Variants in ATMIN observed in about 807,000 individuals in gnomAD.
ATMIN encodes ATM INteracting protein.
A neutral mutation model predicts 49.2 loss-of-function variants in ATMIN; 24 were observed. That is an observed-to-expected ratio of 0.49 (90% CI 0.35 to 0.69). The LOEUF (loss-of-function observed/expected upper bound fraction) is 0.69, where lower values mean the gene tolerates loss of function less well. Ranked by LOEUF, ATMIN falls within the 30% of genes least tolerant of loss-of-function variation. The pLI is 0.00. For synonymous variants in ATMIN, 450 were observed against 392.5 expected, an observed-to-expected ratio of 1.15 and a Z score of -1.73; for missense variants, 1,037 against 1,005.5, an observed-to-expected ratio of 1.03 and a Z score of -0.42.
intron 1 of ATMIN, among the ~76,000 whole-genome samples, chr16:81,039,455 C>G (rs1353285764): frequency 6.6e-6 from 1 of 152,058 alleles, no homozygotes; most frequent in African/African-American, 2.4e-5. Context: ...TGATGAGCAA[C>G]GAGGATGGGT....
intron 1 of ATMIN, among the ~76,000 whole-genome samples, chr16:81,038,935 A>G (rs1158935773): frequency 6.6e-6 from 1 of 152,156 alleles, no homozygotes; most frequent in Non-Finnish European, 1.5e-5. Flanking sequence ...AGTTGGGACT[A>G]CAGGCATGCT....
chr16:81,038,597 G>C (rs934985290), intron 1 of ATMIN, among the ~76,000 whole-genome samples: 2 of 152,204 alleles, frequency 1.3e-5, no homozygotes, highest in African/African-American at 2.4e-5. Flanking sequence ...TTGTCTGTGT[G>C]ATGCAATAGC....
In ATMIN at chr16:81,044,846, A is replaced by G. The variant is rs1383293949; in HGVS notation, c.2348A>G (p.Asn783Ser). The G allele has an allele frequency of 8.1e-6, 13 of 1,614,108 alleles. No individual in the cohort carries two copies. Among genetic ancestry groups the G allele is most frequent in the East Asian group, 2.2e-5 (1 of 44,898 alleles). ...ETLGSLFFTS[N>S]ETQTAMDDFL... ...CTGGGGAGCTTGTTCTTCACCAGCA[A>G]CGAAACTCAGACAGCAATGGATGAC... Residue 783 changes from asparagine to serine, a missense_variant, in exon 4 of 4, where the codon AAC becomes AGC. Coordinates refer to ENST00000299575, the MANE Select transcript of ATMIN (RefSeq NM_015251.3).
At chr16:81,038,923 G>T (rs1409885396) in intron 1 of ATMIN, among the ~76,000 whole-genome samples, 2 of 152,166 alleles carry the variant, frequency 1.3e-5, no homozygotes, top group Non-Finnish European at 2.9e-5. Context: ...AGCCTCCCGA[G>T]TAGTTGGGAC....
Position 81,044,863 on chromosome 16 carries a change from A to G in ATMIN, c.2365A>G (p.Met789Val), listed in dbSNP as rs761128611. The stretch of plus-strand genomic sequence containing the variant: ...CACCAGCAACGAAACTCAGACAGCA[A>G]TGGATGACTTTCTTCTGGCTGATCT... ...FFTSNETQTA[M>V]DDFLLADLAW... Residue 789 changes from methionine (M) to valine (V), a missense_variant, in exon 4 of 4, where the codon ATG becomes GTG. Transcript: ENST00000299575. 3.7e-6 allele frequency: 6 copies of G among 1,614,198 alleles called. No individual in the cohort carries two copies. The highest frequency in any genetic ancestry group is 4.5e-5 in the East Asian group (2 of 44,884).
Position 81,041,354 on chromosome 16 carries a change from A to C in ATMIN, c.337-2A>C. ...TAATTTAAAGTAATTTTCCTTTTGCAGGATGGCATAGTCAATCCAACAATA... is the reference window on the plus strand; with the variant it reads ...TAATTTAAAGTAATTTTCCTTTTGCCGGATGGCATAGTCAATCCAACAATA... On this transcript the variant is annotated splice_acceptor_variant, in intron 1 of 3. Coordinates refer to ENST00000299575, the MANE Select transcript of ATMIN (RefSeq NM_015251.3). LOFTEE classifies it high-confidence loss of function. The C allele has an allele frequency of 1.3e-6, 2 of 1,596,328 alleles. No individual in the cohort carries two copies. Among genetic ancestry groups the C allele is most frequent in the Non-Finnish European group, 1.7e-6 (2 of 1,175,566 alleles).
intron 1 of ATMIN, chr16:81,037,312 A>C: frequency 1.0e-6 from 1 of 985,484 alleles, no homozygotes; most frequent in Non-Finnish European, 1.2e-6. Flanking sequence ...GCCCATAGTC[A>C]GGCTTCTGAT....
chr16:81,041,494 C>G lies in ATMIN; in HGVS notation c.462+13C>G, dbSNP rs1971037772. On this transcript the variant is annotated intron_variant, in intron 2 of 3. Transcript: ENST00000299575. ...TCTCGTAAAACAGGTACTCTCTACT[C>G]TGAGGATGAGATACAGATGCTAAAA... 1 of 1,594,688 alleles carries G rather than the reference C, an allele frequency of 6.3e-7. No individual in the cohort carries two copies. Among genetic ancestry groups the G allele is most frequent in the Non-Finnish European group, 8.5e-7 (1 of 1,175,298 alleles).
rs1971134530 is a variant in ATMIN at position 81,047,114 on chromosome 16, A to G, written c.*2144A>G. ...GTGACAATGTTTGTAAATCTAGCCA[A>G]TAGAGTCATTTACAGAAGAAAAATG... On this transcript the variant is annotated 3_prime_UTR_variant, in exon 4 of 4. Transcript: ENST00000299575. The G allele has an allele frequency of 6.5e-6, 1 of 152,672 alleles. No homozygotes were observed. The highest frequency in any genetic ancestry group is 1.9e-4 in the East Asian group (1 of 5,196). The allele number at this position is 152,672 out of a possible 1,614,324, so 9.5% of individuals were successfully genotyped here. A position where few individuals can be genotyped will look rare whatever the true frequency, so the allele number is the denominator to read the frequency against.
chr16:81,036,699 C>A (rs1041983659), intron 1 of ATMIN, among the ~76,000 whole-genome samples: 1 of 152,130 alleles, frequency 6.6e-6, no homozygotes, highest in Non-Finnish European at 1.5e-5. Flanking sequence ...ACTGTATGTG[C>A]CACAATAACT....
At position 81,043,887 on chromosome 16, in the gene ATMIN, G is replaced by A; in HGVS notation, c.1389G>A (p.Leu463=). The change falls in exon 4 of 4, where the codon TTG becomes TTA. Residue 463 remains leucine, a synonymous_variant. Transcript: ENST00000299575. ...LPISVHTQTF[L]PSSKVTSSIA... is the part of the protein sequence containing the mutation. Reference sequence around the variant, plus strand: ...TTAGTGTTCACACTCAGACATTTTTGCCCAGCTCTAAGGTAACTTCATCTA... The same window carrying A: ...TTAGTGTTCACACTCAGACATTTTTACCCAGCTCTAAGGTAACTTCATCTA... 1 of 1,613,980 alleles carries A rather than the reference G, an allele frequency of 6.2e-7. No individual in the cohort carries two copies. The highest frequency in any genetic ancestry group is 8.5e-7 in the Non-Finnish European group (1 of 1,179,992).
In ATMIN at chr16:81,042,801, CTG is replaced by C. The variant is rs1463817739; in HGVS notation, c.662+323_662+324del. Among the ~76,000 whole-genome samples the C allele has an allele frequency of 5.9e-5, 9 of 152,176 alleles. No individual in the cohort carries two copies. In the East Asian group the frequency reaches 1.3e-3, roughly 23 times the overall value. ...CCAACAAATAAGTTTTATCATGAAA[CTG>C]TACTTCATTTAAAGGTCAAATTTTC... On this transcript the variant is annotated intron_variant, in intron 3 of 3. Transcript: ENST00000299575.
chr16:81,038,024 G>T (rs1970974254), intron 1 of ATMIN, among the ~76,000 whole-genome samples: 1 of 152,116 alleles, frequency 6.6e-6, no homozygotes, highest in African/African-American at 2.4e-5. Context: ...TTGTTGTTAG[G>T]AGCTCTAGCT....
intron 1 of ATMIN, chr16:81,037,035 C>A: frequency 3.2e-6 from 1 of 309,742 alleles, no homozygotes; most frequent in Non-Finnish European, 4.7e-6. Context: ...GTCTCAACAA[C>A]CCTCCACGTT....
In ATMIN at chr16:81,043,874, C is replaced by T. The variant is rs774496312; in HGVS notation, c.1376C>T (p.Thr459Ile). The T allele has an allele frequency of 1.9e-6, 3 of 1,614,090 alleles. No homozygotes were observed. Among genetic ancestry groups the T allele is most frequent in the African/African-American group, 1.3e-5 (1 of 74,920 alleles). ...GTGTCTCTTCCCATTAGTGTTCACACTCAGACATTTTTGCCCAGCTCTAAG... is the reference window on the plus strand; with the variant it reads ...GTGTCTCTTCCCATTAGTGTTCACATTCAGACATTTTTGCCCAGCTCTAAG... ...SQVSLPISVH[T>I]QTFLPSSKVT... Residue 459 changes from threonine to isoleucine, a missense_variant, in exon 4 of 4, where the codon ACT becomes ATT. By Grantham distance (89) the Thr-to-Ile change is moderately conservative (BLOSUM62 -1). Transcript: ENST00000299575.
intron 1 of ATMIN, among the ~76,000 whole-genome samples, chr16:81,039,142 AG>A (rs752776791): frequency 2.0e-5 from 3 of 152,244 alleles, no homozygotes; most frequent in Non-Finnish European, 2.9e-5. Flanking sequence ...GGAAGAAGGT[AG>A]GGGTAAGGAC....
rs1970924267 is a variant in ATMIN, at chr16:81,036,122, C to T, written c.252C>T (p.Ile84=). The T allele has an allele frequency of 6.8e-7, 1 of 1,463,188 alleles. No individual in the cohort carries two copies. Among genetic ancestry groups the T allele is most frequent in the Non-Finnish European group, 9.1e-7 (1 of 1,100,126 alleles). 90.6% of individuals were successfully genotyped at this position (1,463,188 alleles called of 1,614,324 possible). ...TGTCCCGGGCCGTGCGGACCAACAT[C>T]CTGTGCACCGTGCGCGGCTGCGGCA... ...SELSRAVRTN[I]LCTVRGCGKI... Residue 84 remains isoleucine (I), a synonymous_variant, in exon 1 of 4, where the codon ATC becomes ATT. Coordinates refer to ENST00000299575, the MANE Select transcript of ATMIN (RefSeq NM_015251.3).
intron 2 of ATMIN, 61 bp downstream of exon 2, chr16:81,041,542 T>A: frequency 5.1e-6 from 8 of 1,555,402 alleles, no homozygotes; most frequent in Non-Finnish European, 3.5e-6. Flanking sequence ...TTCTGATTAC[T>A]TAGCAGACAT....
chr16:81,038,722 G>T (rs1168530106), intron 1 of ATMIN, among the ~76,000 whole-genome samples: 1 of 152,158 alleles, frequency 6.6e-6, no homozygotes, highest in African/African-American at 2.4e-5. Flanking sequence ...TTGAGCTCAA[G>T]TGATCCTCCT....
Sources: allele counts gnomAD v4.1 joint callset (sites outside exome capture counted in the v4.1 genomes callset), GRCh38; gene constraint gnomAD v4.1.1; transcripts MANE v1.5; gene names NCBI Gene and HGNC (gene_info 2026-07-23, HGNC 2026-07-21).